Variants in PTPRD observed in about 807,000 individuals in gnomAD.
PTPRD encodes receptor-type tyrosine-protein phosphatase delta.
PTPRD carries 34 observed loss-of-function variants against 214.5 expected under a neutral mutation model. The observed-to-expected ratio is 0.16, with a 90% confidence interval of 0.12 to 0.21. The LOEUF (loss-of-function observed/expected upper bound fraction) is 0.21. Ranked by LOEUF, PTPRD falls within the 10% of genes least tolerant of loss-of-function variation. The probability of loss-of-function intolerance (pLI) is 1.00; values close to 1 mark genes in which losing one functional copy is unlikely to be tolerated. For synonymous variants in PTPRD, 1,128 were observed against 845.7 expected, an observed-to-expected ratio of 1.33 and a Z score of -5.79; for missense variants, 2,545 against 2,398.7, an observed-to-expected ratio of 1.06 and a Z score of -1.27.
At chr9:8,409,992 G>A (rs143031066) in intron 35 of PTPRD, among the ~76,000 whole-genome samples, 1 of 152,264 alleles carries the variant, frequency 6.6e-6, no homozygotes, top group East Asian at 1.9e-4. Context: ...TTCTTAGTGT[G>A]GTTGGCTCTG....
At chr9:8,541,740 T>C (rs1252189677) in intron 14 of PTPRD, among the ~76,000 whole-genome samples, 1 of 152,180 alleles carries the variant, frequency 6.6e-6, no homozygotes, top group Non-Finnish European at 1.5e-5. Context: ...ATCACAGGAC[T>C]ATCAATTTAT....
chr9:8,485,249 T>C lies in PTPRD; in HGVS notation c.3131A>G (p.Tyr1044Cys). 4.3e-6 allele frequency: 7 copies of C among 1,614,070 alleles called. No homozygotes were observed. Among genetic ancestry groups the C allele is most frequent in the Non-Finnish European group, 5.9e-6 (7 of 1,179,928 alleles). The change falls in exon 29 of 46, where the codon TAT (tyrosine) becomes TGT (cysteine). Residue 1044 changes from tyrosine (Y) to cysteine (C), a missense_variant. Coordinates refer to ENST00000381196, the MANE Select transcript of PTPRD (RefSeq NM_002839.4). ...VLLSWEIPEN[Y>C]NSAMPFKILY... ...TACTTTGAAAGGCATGGCGGAGTTA[T>C]AATTCTCTGGAATCTCCCAAGACAG...
At chr9:9,281,505 T>C (rs1028963638) in intron 9 of PTPRD, among the ~76,000 whole-genome samples, 2 of 151,312 alleles carry the variant, frequency 1.3e-5, no homozygotes, top group Non-Finnish European at 3.0e-5. Context: ...TCTTTTAACA[T>C]CATAGGTCCT....
chr9:10,188,331 A>G, intron 3 of PTPRD, among the ~76,000 whole-genome samples: 1 of 152,144 alleles, frequency 6.6e-6, no homozygotes, highest in East Asian at 1.9e-4. Flanking sequence ...TTTAATCTTA[A>G]ATAATATATA....
At chr9:8,481,745 T>C (rs1028372372) in intron 30 of PTPRD, among the ~76,000 whole-genome samples, 1 of 152,098 alleles carries the variant, frequency 6.6e-6, no homozygotes, top group Non-Finnish European at 1.5e-5. Flanking sequence ...CATTGCTATT[T>C]TGTTAACAAC....
intron 11 of PTPRD, among the ~76,000 whole-genome samples, chr9:8,877,576 G>T (rs1357487289): frequency 2.6e-5 from 4 of 151,934 alleles, no homozygotes; most frequent in Non-Finnish European, 5.9e-5. Context: ...TTATTTTCTG[G>T]CAATAGGTCA....
intron 4 of PTPRD, among the ~76,000 whole-genome samples, chr9:10,023,471 T>A (rs1489203918): frequency 1.3e-5 from 2 of 152,196 alleles, no homozygotes. Flanking sequence ...GAAAGTAAAG[T>A]TCTACATCTT....
chr9:9,371,948 T>C (rs1360963880), intron 9 of PTPRD, among the ~76,000 whole-genome samples: 1 of 152,198 alleles, frequency 6.6e-6, no homozygotes, highest in Non-Finnish European at 1.5e-5. Context: ...AATCCTGAGT[T>C]CTAGTTTGAT....
intron 11 of PTPRD, among the ~76,000 whole-genome samples, chr9:8,935,186 A>G (rs1415097835): frequency 6.6e-6 from 1 of 152,160 alleles, no homozygotes; most frequent in Non-Finnish European, 1.5e-5. Flanking sequence ...ATATGACACC[A>G]TCTTACATAT....
intron 12 of PTPRD, among the ~76,000 whole-genome samples, chr9:8,720,415 G>C (rs190347637): frequency 1.3e-5 from 2 of 152,206 alleles, no homozygotes; most frequent in South Asian, 4.1e-4. Context: ...CCAGTCAGGG[G>C]ACTAACCCAC....
intron 2 of PTPRD, among the ~76,000 whole-genome samples, chr9:10,523,601 G>GTATGTATATATATATATA (rs2053139062): frequency 1.6e-5 from 1 of 64,336 alleles, no homozygotes; most frequent in Non-Finnish European, 3.2e-5. Context: ...ATATTTATCT[G>GTATGTATATATATATATA]TATATATATA....
chr9:10,063,030 T>C (rs1049495048), intron 3 of PTPRD, among the ~76,000 whole-genome samples: 14 of 152,096 alleles, frequency 9.2e-5, no homozygotes, highest in Admixed American at 9.2e-4. Context: ...CACCAATATA[T>C]TGAATTTTTA....
chr9:9,870,392 T>TATAA (rs138891968), intron 5 of PTPRD, among the ~76,000 whole-genome samples: 12,992 of 151,966 alleles, frequency 0.085, 1,309 homozygotes, highest in African/African-American at 0.25. Flanking sequence ...CTATATTTAC[T>TATAA]ATAGACAACT....
At chr9:8,432,953 A>ACTT (rs2095151751) in intron 35 of PTPRD, among the ~76,000 whole-genome samples, 1 of 152,214 alleles carries the variant, frequency 6.6e-6, no homozygotes, top group South Asian at 2.1e-4. Flanking sequence ...TTCAAGAAGC[A>ACTT]CTTCTGATCT....
At chr9:8,637,366 G>A (rs188398490) in intron 12 of PTPRD, among the ~76,000 whole-genome samples, 1 of 152,094 alleles carries the variant, frequency 6.6e-6, no homozygotes, top group Non-Finnish European at 1.5e-5. Context: ...ATAGAAATAG[G>A]GGAAAATGGT....
At chr9:8,515,249 C>T (rs1166558672) in intron 21 of PTPRD, among the ~76,000 whole-genome samples, 1 of 152,154 alleles carries the variant, frequency 6.6e-6, no homozygotes, top group African/African-American at 2.4e-5. Flanking sequence ...TACTCATTGG[C>T]AAGTGGGATA....
intron 7 of PTPRD, among the ~76,000 whole-genome samples, chr9:9,692,280 C>T (rs35371016): frequency 0.63 from 95,123 of 151,600 alleles, 30,185 homozygotes; most frequent in East Asian, 0.66. Flanking sequence ...TGTCTGTAAT[C>T]CACTTTTTAA....
intron 11 of PTPRD, among the ~76,000 whole-genome samples, chr9:9,012,191 A>C (rs924601351): frequency 6.6e-6 from 1 of 152,258 alleles, no homozygotes; most frequent in East Asian, 1.9e-4. Context: ...ACAGGAAATG[A>C]ATTCTGCCAA....
At chr9:9,070,979 C>T (rs1227516890) in intron 10 of PTPRD, among the ~76,000 whole-genome samples, 3 of 152,042 alleles carry the variant, frequency 2.0e-5, no homozygotes, top group African/African-American at 4.8e-5. Context: ...GCAGTGCCTC[C>T]CCCAGCTCAC....
Sources: gnomAD v4.1 joint callset for allele counts (sites outside exome capture counted in the v4.1 genomes callset) on GRCh38, gnomAD v4.1.1 for gene constraint, MANE v1.5 for transcripts, NCBI Gene and HGNC (gene_info 2026-07-23, HGNC 2026-07-21) for gene names.